Variants in TRPM4 observed in about 807,000 individuals in gnomAD.
The protein encoded by TRPM4 is calcium-activated non-selective cation channel 1.
A neutral mutation model predicts 135.6 loss-of-function variants in TRPM4; 124 were observed. That is an observed-to-expected ratio of 0.91 (90% CI 0.79 to 1.06). The LOEUF (loss-of-function observed/expected upper bound fraction) is 1.06. Among genes scored for constraint, TRPM4 ranks in the 50% least tolerant of loss-of-function variants. The pLI, the probability that TRPM4 is intolerant of heterozygous loss-of-function variation, is 0.00. For synonymous variants in TRPM4, 745 were observed against 705.6 expected (o/e 1.06, Z -0.88); for missense variants, 1,658 against 1,671.4 (o/e 0.99, Z 0.14).
At chr19:49,160,536 G>A (rs917152226) in intron 2 of TRPM4, among the ~76,000 whole-genome samples, 2 of 151,880 alleles carry the variant, frequency 1.3e-5, no homozygotes, top group Non-Finnish European at 2.9e-5. Context: ...TGAACAGCAT[G>A]TGCAAAGTCC....
Position 49,168,594 on chromosome 19 carries a change from G to A in TRPM4, c.654G>A (p.Glu218=), listed in dbSNP as rs1351503291. 5.6e-6 allele frequency: 9 copies of A among 1,613,614 alleles called. No individual in the cohort carries two copies. Among genetic ancestry groups the A allele is most frequent in the Non-Finnish European group, 7.6e-6 (9 of 1,179,990 alleles). The change falls in exon 6 of 25, where the codon GAG becomes GAA. Residue 218 remains glutamate, a synonymous_variant. Coordinates refer to ENST00000252826, the MANE Select transcript of TRPM4 (RefSeq NM_017636.4). ...GGTACCGGTGGCGCGGTGACCCGGAGGACGGGGTCCAGTTTCCCCTGGACT... is the reference window on the plus strand; with the variant it reads ...GGTACCGGTGGCGCGGTGACCCGGAAGACGGGGTCCAGTTTCCCCTGGACT... The part of the protein sequence containing the change: ...PARYRWRGDP[E]DGVQFPLDYN...
At chr19:49,174,353 A>G (rs1335076154) in intron 9 of TRPM4, among the ~76,000 whole-genome samples, 1 of 151,776 alleles carries the variant, frequency 6.6e-6, no homozygotes, top group African/African-American at 2.4e-5. Context: ...GTGTTTCACC[A>G]TGTTGGTCAG....
chr19:49,203,207 T>A (rs183492406), intron 20 of TRPM4, among the ~76,000 whole-genome samples: 120 of 149,536 alleles, frequency 8.0e-4, no homozygotes, highest in African/African-American at 2.8e-3. Flanking sequence ...TGAGATGGAG[T>A]CTCGCTCTGT....
chr19:49,158,407 G>A, intron 2 of TRPM4, 148 bp downstream of exon 2: 1 of 771,452 alleles, frequency 1.3e-6, no homozygotes, highest in Non-Finnish European at 2.3e-6. Flanking sequence ...CTCCCTCTAG[G>A]AGCGTTTGGG....
At chr19:49,186,247 C>T (rs558274869) in intron 12 of TRPM4, among the ~76,000 whole-genome samples, 4 of 152,324 alleles carry the variant, frequency 2.6e-5, no homozygotes, top group South Asian at 2.1e-4. Flanking sequence ...CGACGCCCAC[C>T]GTGGCTGTAT....
rs1406266594 is a variant in TRPM4 at position 49,210,410 on chromosome 19, G to C, written c.3328+5G>C. 1.2e-6 allele frequency: 2 copies of C among 1,612,862 alleles called. No individual in the cohort carries two copies. Among genetic ancestry groups the C allele is most frequent in the African/African-American group, 2.7e-5 (2 of 74,948 alleles). On this transcript the variant is annotated splice_donor_5th_base_variant and intron_variant, in intron 21 of 24. Transcript: ENST00000252826. The surrounding 1 kb of genome is among the most constrained non-coding windows in gnomAD (Gnocchi z 4.1). ...CCCCGGCCCTCGAGCATTTCCGTAA[G>C]AACAGAGCTTGGCTTAAAAAGGAGA...
At chr19:49,190,831 G>A in intron 16 of TRPM4, 58 bp downstream of exon 16, 3 of 1,506,210 alleles carry the variant, frequency 2.0e-6, no homozygotes, top group Non-Finnish European at 2.8e-6. Context: ...TTCAGGACAT[G>A]TGCCAGTTCC....
At position 49,157,850 on chromosome 19, in the gene TRPM4, G is replaced by A; in HGVS notation, c.-17G>A. On this transcript the variant is annotated 5_prime_UTR_variant, in exon 1 of 25. Transcript: ENST00000252826. ...CCGGGGCCCTGGGCTGCAGGAGGTT[G>A]CGGCGGCCGCGGCAGCATGGTGGTG... 6.5e-7 allele frequency: 1 copy of A among 1,534,472 alleles called. No individual in the cohort carries two copies. The highest frequency in any genetic ancestry group is 8.7e-7 in the Non-Finnish European group (1 of 1,146,250).
At chr19:49,163,357 G>A (rs965022160) in intron 2 of TRPM4, among the ~76,000 whole-genome samples, 5 of 151,242 alleles carry the variant, frequency 3.3e-5, no homozygotes, top group East Asian at 2.0e-4. Context: ...CACCATGCCC[G>A]GCTAATTTTT....
At position 49,157,877 on chromosome 19, in the gene TRPM4, C is replaced by G. The variant is rs1318656879; in HGVS notation, c.11C>G (p.Pro4Arg). 14 of 1,534,798 alleles carry G rather than the reference C, an allele frequency of 9.1e-6. No homozygotes were observed. The highest frequency in any genetic ancestry group is 4.9e-5 in the East Asian group (2 of 40,912). ...GGCGGCCGCGGCAGCATGGTGGTGC[C>G]GGAGAAGGAGCAGGTGAGCGCCGGA... MVV[P>R]EKEQSWIPKI... The change falls in exon 1 of 25, where the codon CCG becomes CGG. Residue 4 changes from proline (P) to arginine (R), a missense_variant. Physicochemically the swap from Pro to Arg is moderately radical, Grantham distance 103 (BLOSUM62 -2). Transcript: ENST00000252826.
In TRPM4 at chr19:49,211,099, G is replaced by C; in HGVS notation, c.3534+12G>C. 1 of 1,613,686 alleles carries C rather than the reference G, an allele frequency of 6.2e-7. No homozygotes were observed. Among genetic ancestry groups the C allele is most frequent in the Non-Finnish European group, 8.5e-7 (1 of 1,179,858 alleles). ...TGCTGGAGCGGGAGGTGAGGCCTTG[G>C]GGCCTGGCTGGGGGACTGTGGCAGG... On this transcript the variant is annotated intron_variant, in intron 23 of 24. Coordinates refer to ENST00000252826, the MANE Select transcript of TRPM4 (RefSeq NM_017636.4). This position sits in a 1 kb window ranked among gnomAD's most constrained non-coding sequence, Gnocchi z 4.8.
Position 49,196,764 on chromosome 19 carries a change from C to G in TRPM4, c.2535C>G (p.Pro845=), listed in dbSNP as rs560849729. Residue 845 remains proline (P), a synonymous_variant, in exon 17 of 25, where the codon CCC becomes CCG. Transcript: ENST00000252826. ...GGGGCAGCCTCGCCAGCGGGGGCCC[C>G]GGGCCTGGCCATGCCTCACTGAGCC... ...GGGGSLASGG[P]GPGHASLSQR... 4.2e-5 allele frequency: 65 copies of G among 1,553,862 alleles called. No individual in the cohort carries two copies. In the African/African-American group the frequency reaches 8.7e-4, roughly 21 times the overall value.
Position 49,211,134 on chromosome 19 carries a change from T to C in TRPM4, c.3535-30T>C, listed in dbSNP as rs1452884303. 1 of 1,609,950 alleles carries C rather than the reference T, an allele frequency of 6.2e-7. No individual in the cohort carries two copies. Among genetic ancestry groups the C allele is most frequent in the Non-Finnish European group, 8.5e-7 (1 of 1,178,378 alleles). On this transcript the variant is annotated intron_variant, in intron 23 of 24. Coordinates refer to ENST00000252826, the MANE Select transcript of TRPM4 (RefSeq NM_017636.4). This position sits in a 1 kb window ranked among gnomAD's most constrained non-coding sequence, Gnocchi z 4.8. ...GGGGGACTGTGGCAGGGGTCCCATC[T>C]CCCGCTCTGACATTCCTCCCATTCC...
At chr19:49,200,494 G>T in intron 18 of TRPM4, 62 bp downstream of exon 18, 1 of 1,564,296 alleles carries the variant, frequency 6.4e-7, no homozygotes, top group South Asian at 1.1e-5. Flanking sequence ...GCCAGGGAGG[G>T]AGTGGTCCGT....
rs775205786 is a variant in TRPM4 at position 49,202,049 on chromosome 19, C to A, written c.3039C>A (p.Ser1013=). ...PPGAQAGTCV[S]QYANWLVVLL... Reference sequence around the variant, plus strand: ...GGGCCCAGGCGGGCACCTGCGTCTCCCAGTATGCCAACTGGCTGGTGGTGC... The same window carrying A: ...GGGCCCAGGCGGGCACCTGCGTCTCACAGTATGCCAACTGGCTGGTGGTGC... The change falls in exon 20 of 25, where the codon TCC becomes TCA. Residue 1013 remains serine, a synonymous_variant. Transcript: ENST00000252826. 8 of 1,614,056 alleles carry A rather than the reference C, an allele frequency of 5.0e-6. No individual in the cohort carries two copies. The highest frequency in any genetic ancestry group is 2.7e-5 in the African/African-American group (2 of 75,024).
intron 16 of TRPM4, among the ~76,000 whole-genome samples, chr19:49,194,537 G>A (rs937549315): frequency 4.0e-5 from 6 of 151,864 alleles, no homozygotes; most frequent in East Asian, 3.9e-4. Context: ...ACACCACTGC[G>A]CTTGGCCTCA....
At chr19:49,176,546 A>G (rs1033214274) in intron 9 of TRPM4, among the ~76,000 whole-genome samples, 3 of 152,156 alleles carry the variant, frequency 2.0e-5, no homozygotes, top group Admixed American at 6.6e-5. Context: ...TTGGAATCAG[A>G]CAAAACTGAA....
intron 2 of TRPM4, among the ~76,000 whole-genome samples, chr19:49,161,893 G>A (rs1426694806): frequency 9.2e-5 from 14 of 152,140 alleles, no homozygotes; most frequent in African/African-American, 4.8e-5. Context: ...GCCTCCCAAC[G>A]TGCTGGGATT....
rs1967455733 is a variant in TRPM4, at chr19:49,171,562, T to C, written c.859-16T>C. ...CTTTTCTGACGTGATGAATAAAGAA[T>C]GCCTTTATCCTGTAGCGAATAGAGA... is the stretch of plus-strand genomic sequence containing the variant. On this transcript the variant is annotated splice_polypyrimidine_tract_variant and intron_variant, in intron 7 of 24. Transcript: ENST00000252826. This position sits in a 1 kb window ranked among gnomAD's most constrained non-coding sequence, Gnocchi z 4.7. 6.2e-7 allele frequency: 1 copy of C among 1,613,646 alleles called. No individual in the cohort carries two copies. Among genetic ancestry groups the C allele is most frequent in the East Asian group, 2.2e-5 (1 of 44,860 alleles).
Sources: gnomAD v4.1 joint callset for allele counts (sites outside exome capture counted in the v4.1 genomes callset) on GRCh38, gnomAD v4.1.1 for gene constraint, Gnocchi (gnomAD v3.1) non-coding constraint, MANE v1.5 for transcripts, NCBI Gene and HGNC (gene_info 2026-07-23, HGNC 2026-07-21) for gene names.